RIMS2: variants seen among roughly 807,000 people sequenced by gnomAD.
The protein encoded by RIMS2 is regulating synaptic membrane exocytosis protein 2.
In RIMS2, 59 loss-of-function variants were observed where a neutral mutation model predicts 174.4. The ratio of observed to expected loss-of-function variants is 0.34; its 90% CI spans 0.27 to 0.42. RIMS2 has a LOEUF of 0.42. Among genes scored for constraint, RIMS2 ranks in the 10% least tolerant of loss-of-function variants. RIMS2 has a pLI of 1.00. For missense variants in RIMS2, 1,620 were observed against 1,666.3 expected (o/e 0.97, Z 0.48); for synonymous variants, 606 against 572.5 (o/e 1.06, Z -0.84).
At chr8:103,913,282 A>C (rs981683110) in intron 6 of RIMS2, among the ~76,000 whole-genome samples, 5 of 151,624 alleles carry the variant, frequency 3.3e-5, no homozygotes, top group African/African-American at 1.2e-4. Flanking sequence ...TCAGCCCAAA[A>C]AATTTTAAAT....
Position 104,238,109 on chromosome 8 carries a change from C to G in RIMS2, c.3335-6807C>G, listed in dbSNP as rs1281594583. ...TGTGGCACATATACACCATGGAATACTATGCAGCCATAAAAAACAATGAGT... is the reference window on the plus strand; with the variant it reads ...TGTGGCACATATACACCATGGAATAGTATGCAGCCATAAAAAACAATGAGT... On this transcript the variant is annotated intron_variant, in intron 19 of 23. Transcript: ENST00000504942. Among the ~76,000 whole-genome samples, 4 of 152,136 alleles carry G rather than the reference C, an allele frequency of 2.6e-5. No homozygotes were observed. The East Asian group carries it at 7.7e-4, about 29-fold the overall frequency.
intron 1 of RIMS2, among the ~76,000 whole-genome samples, chr8:103,596,154 A>G (rs937113701): frequency 2.0e-5 from 3 of 152,030 alleles, no homozygotes; most frequent in Admixed American, 2.0e-4. Flanking sequence ...TTGAATAGGG[A>G]CAATTTCTAA....
intron 1 of RIMS2, among the ~76,000 whole-genome samples, chr8:103,683,454 A>C (rs2096903821): frequency 6.6e-6 from 1 of 152,206 alleles, no homozygotes; most frequent in Non-Finnish European, 1.5e-5. Context: ...ATCTGTCCAC[A>C]TAACCCAAAC....
intron 3 of RIMS2, among the ~76,000 whole-genome samples, chr8:103,802,299 C>T (rs994723792): frequency 2.0e-5 from 3 of 152,006 alleles, no homozygotes; most frequent in African/African-American, 7.2e-5. Context: ...TCATATAATC[C>T]TTTTTCACAG....
intron 19 of RIMS2, among the ~76,000 whole-genome samples, chr8:104,242,692 C>T (rs2099308542): frequency 6.6e-6 from 1 of 152,142 alleles, no homozygotes; most frequent in South Asian, 2.1e-4. Flanking sequence ...TACTCTATCA[C>T]CTGTTTTTGA....
chr8:103,618,243 A>T (rs2095551797), intron 1 of RIMS2, among the ~76,000 whole-genome samples: 1 of 152,114 alleles, frequency 6.6e-6, no homozygotes, highest in Non-Finnish European at 1.5e-5. Context: ...AATACCACAT[A>T]TTCTCACTTA....
chr8:103,945,696 T>G (rs1388770056), intron 14 of RIMS2, among the ~76,000 whole-genome samples: 1 of 151,054 alleles, frequency 6.6e-6, no homozygotes, highest in Non-Finnish European at 1.5e-5. Context: ...ACCACATGAA[T>G]ATATGAAAAT....
chr8:103,930,203 A>G (rs1463392569), intron 11 of RIMS2, among the ~76,000 whole-genome samples: 1 of 151,984 alleles, frequency 6.6e-6, no homozygotes, highest in Non-Finnish European at 1.5e-5. Flanking sequence ...AAATAATTTT[A>G]TATACTTTTT....
At chr8:103,801,574 A>G (rs73697662) in intron 3 of RIMS2, among the ~76,000 whole-genome samples, 7,317 of 152,206 alleles carry the variant, frequency 0.048, 581 homozygotes, top group African/African-American at 0.17. Context: ...TCCAATTTCA[A>G]CTAACCTTTA....
At chr8:103,682,307 G>A (rs371750438) in intron 1 of RIMS2, among the ~76,000 whole-genome samples, 10 of 152,042 alleles carry the variant, frequency 6.6e-5, no homozygotes, top group African/African-American at 2.4e-4. Flanking sequence ...AAGAGAAGAG[G>A]GCATGAGTCT....
At chr8:103,608,177 G>C (rs1235626350) in intron 1 of RIMS2, among the ~76,000 whole-genome samples, 3 of 144,884 alleles carry the variant, frequency 2.1e-5, no homozygotes, top group Admixed American at 1.3e-4. Context: ...ATGGGTTTTT[G>C]GTGTGGATGT....
At chr8:103,984,165 C>T (rs2094163539) in intron 16 of RIMS2, among the ~76,000 whole-genome samples, 1 of 151,734 alleles carries the variant, frequency 6.6e-6, no homozygotes, top group Non-Finnish European at 1.5e-5. Context: ...CAGAGCGAGA[C>T]TCCATCTCAG....
chr8:103,996,331 C>A (rs58715550), intron 17 of RIMS2, among the ~76,000 whole-genome samples: 7,671 of 151,742 alleles, frequency 0.051, 609 homozygotes, highest in African/African-American at 0.17. Context: ...ACTGCTTGAA[C>A]CTCCTCGTAA....
chr8:103,839,599 G>A (rs969462066), intron 3 of RIMS2, among the ~76,000 whole-genome samples: 3 of 152,048 alleles, frequency 2.0e-5, no homozygotes, highest in African/African-American at 7.3e-5. Context: ...TTTATAGTAG[G>A]GTGTGACTTC....
At chr8:104,083,023 G>C (rs2097454508) in intron 19 of RIMS2, among the ~76,000 whole-genome samples, 1 of 152,144 alleles carries the variant, frequency 6.6e-6, no homozygotes, top group Admixed American at 6.5e-5. Flanking sequence ...TCCCTGCTTT[G>C]ACTGTTGGCT....
intron 3 of RIMS2, among the ~76,000 whole-genome samples, chr8:103,881,124 T>C (rs2099165393): frequency 6.6e-6 from 1 of 151,632 alleles, no homozygotes; most frequent in Admixed American, 6.6e-5. Context: ...GGAATTTTCA[T>C]ATAGGTAGTA....
At chr8:103,851,690 C>T (rs1490890370) in intron 3 of RIMS2, among the ~76,000 whole-genome samples, 1 of 134,436 alleles carries the variant, frequency 7.4e-6, no homozygotes. Context: ...CACACACACA[C>T]ACAGGCAACT....
intron 1 of RIMS2, among the ~76,000 whole-genome samples, chr8:103,554,139 G>GT (rs1849344041): frequency 6.6e-6 from 1 of 152,056 alleles, no homozygotes; most frequent in South Asian, 2.1e-4. Context: ...ATAGGCCCTG[G>GT]TGAAGATTTA....
intron 20 of RIMS2, among the ~76,000 whole-genome samples, chr8:104,246,253 G>A (rs2099329673): frequency 1.3e-5 from 2 of 152,340 alleles, no homozygotes; most frequent in South Asian, 4.1e-4. Context: ...GAGGGAGGGA[G>A]TAAATCTCCA....
Sources: gnomAD v4.1 joint callset for allele counts (sites outside exome capture counted in the v4.1 genomes callset) on GRCh38, gnomAD v4.1.1 for gene constraint, MANE v1.5 for transcripts, NCBI Gene and HGNC (gene_info 2026-07-23, HGNC 2026-07-21) for gene names.